The following GNL2 variants were observed in gnomAD, a reference collection of about 807,000 sequenced individuals.
GNL2 encodes G protein nucleolar 2.
In GNL2, 51 loss-of-function variants were observed where a neutral mutation model predicts 92.3. The ratio of observed to expected loss-of-function variants is 0.55; its 90% confidence interval spans 0.44 to 0.70. GNL2 has a LOEUF of 0.70. Among genes scored for constraint, GNL2 ranks in the 30% least tolerant of loss-of-function variants. The probability of loss-of-function intolerance (pLI) is 0.00; values close to 1 mark genes in which losing one functional copy is unlikely to be tolerated. For synonymous variants in GNL2, 283 were observed against 300.6 expected, an observed-to-expected ratio of 0.94 and a Z score of 0.61; for missense variants, 844 against 895.6, an observed-to-expected ratio of 0.94 and a Z score of 0.74.
chr1:37,574,200 A>T, intron 12 of GNL2, 143 bp downstream of exon 12: 1 of 442,916 alleles, frequency 2.3e-6, no homozygotes, highest in Non-Finnish European at 4.0e-6. Context: ...CCCCAAAAAT[A>T]TTTTTATATA....
chr1:37,589,454 G>A (rs1445689180), intron 4 of GNL2, among the ~76,000 whole-genome samples: 2 of 152,068 alleles, frequency 1.3e-5, no homozygotes, highest in African/African-American at 2.4e-5. Context: ...ACAGGTGCCC[G>A]CCACCACGCC....
Position 37,595,897 on chromosome 1 carries a change from G to C in GNL2, c.-75C>G. 2 of 1,293,994 alleles carry C rather than the reference G, an allele frequency of 1.5e-6. No individual in the cohort carries two copies. The highest frequency in any genetic ancestry group is 2.2e-6 in the Non-Finnish European group (2 of 892,570). 80.2% of individuals were successfully genotyped at this position (1,293,994 alleles called of 1,614,324 possible). On this transcript the variant is annotated 5_prime_UTR_variant, in exon 1 of 16. Coordinates refer to ENST00000373062, the MANE Select transcript of GNL2 (RefSeq NM_013285.3). Reference sequence around the variant, plus strand: ...AACAAACTTTTATGTTCCCAAGCCCGGCCGAAGACACCCGCCTGAACCACG... The same window carrying C: ...AACAAACTTTTATGTTCCCAAGCCCCGCCGAAGACACCCGCCTGAACCACG...
At position 37,595,836 on chromosome 1, in the gene GNL2, C is replaced by G. The variant is rs200801833; in HGVS notation, c.-14G>C. ...GGGCTTCACCATCTTGGCGACGAGA[C>G]CGGGACCGGAGTGCGAGGTCCGGCT... On this transcript the variant is annotated 5_prime_UTR_variant, in exon 1 of 16. Transcript: ENST00000373062. 1,145 of 1,613,776 alleles carry G rather than the reference C, an allele frequency of 7.1e-4. 3 individuals are homozygous for G. The highest frequency in any genetic ancestry group is 6.1e-3 in the African/African-American group (460 of 75,058).
intron 8 of GNL2, 46 bp from the exon 9 acceptor site, chr1:37,576,602 T>A (rs1457968131): frequency 2.5e-6 from 4 of 1,589,054 alleles, no homozygotes; most frequent in Admixed American, 1.8e-5. Context: ...GTCATATATA[T>A]CCCTTTGGAC....
intron 8 of GNL2, among the ~76,000 whole-genome samples, chr1:37,579,490 T>C (rs1298958491): frequency 1.3e-5 from 2 of 148,820 alleles, no homozygotes; most frequent in South Asian, 2.1e-4. Context: ...GAGGTTGCAG[T>C]GAGCCGAGAT....
chr1:37,572,129 C>T (rs1246659043), intron 12 of GNL2, among the ~76,000 whole-genome samples: 1 of 152,146 alleles, frequency 6.6e-6, no homozygotes, highest in Admixed American at 6.5e-5. Context: ...CCCCGACCAC[C>T]CCAAAGTACT....
At chr1:37,579,048 G>A (rs1643722575) in intron 8 of GNL2, among the ~76,000 whole-genome samples, 2 of 151,844 alleles carry the variant, frequency 1.3e-5, no homozygotes, top group African/African-American at 4.8e-5. Context: ...GACTGTAGCA[G>A]AAAACACAAA....
chr1:37,569,370 T>C (rs1011476512), intron 12 of GNL2, 68 bp from the exon 13 acceptor site: 13 of 1,071,714 alleles, frequency 1.2e-5, no homozygotes, highest in Non-Finnish European at 1.6e-5. Flanking sequence ...TCTGAACTCA[T>C]ATCTTGCTCT....
chr1:37,583,831 G>C lies in GNL2; in HGVS notation c.636+36C>G, dbSNP rs148712685. On this transcript the variant is annotated intron_variant, in intron 6 of 15. Transcript: ENST00000373062. Reference sequence around the variant, plus strand: ...CTTCTACAAAATCATGAAAGCCCAAGGAACCACTCAATGGGAGAGAATTTA... The same window carrying C: ...CTTCTACAAAATCATGAAAGCCCAACGAACCACTCAATGGGAGAGAATTTA... The C allele has an allele frequency of 1.0e-4, 122 of 1,193,256 alleles. No homozygotes were observed. In the East Asian group the frequency reaches 2.8e-3, roughly 28 times the overall value. 73.9% of individuals were successfully genotyped at this position (1,193,256 alleles called of 1,614,324 possible).
chr1:37,573,547 A>G (rs148879888), intron 12 of GNL2, among the ~76,000 whole-genome samples: 5 of 152,342 alleles, frequency 3.3e-5, no homozygotes, highest in African/African-American at 1.2e-4. Flanking sequence ...CCACTGGATC[A>G]CAGGTTTTTT....
At chr1:37,583,762 C>A in intron 6 of GNL2, 105 bp downstream of exon 6, 3 of 746,726 alleles carry the variant, frequency 4.0e-6, no homozygotes, top group Non-Finnish European at 7.3e-6. Flanking sequence ...GCAGTGGTGC[C>A]TGTACTCTGC....
At chr1:37,592,283 TTTAA>T (rs1386759769) in intron 3 of GNL2, among the ~76,000 whole-genome samples, 4 of 152,190 alleles carry the variant, frequency 2.6e-5, no homozygotes. Flanking sequence ...AGTGAGACCC[TTTAA>T]TTGTCACCCA....
At chr1:37,574,952 C>G in intron 10 of GNL2, 129 bp from the exon 11 acceptor site, 1 of 670,610 alleles carries the variant, frequency 1.5e-6, no homozygotes, top group Non-Finnish European at 2.6e-6. Flanking sequence ...TGGCAGGAGC[C>G]TGTCTCTGAC....
intron 5 of GNL2, among the ~76,000 whole-genome samples, chr1:37,587,076 G>A (rs1428342475): frequency 3.3e-5 from 5 of 152,058 alleles, no homozygotes; most frequent in South Asian, 2.1e-4. Flanking sequence ...AGACTAGCCT[G>A]GGCAACACGG....
intron 8 of GNL2, among the ~76,000 whole-genome samples, chr1:37,576,861 C>T (rs1436388259): frequency 6.6e-6 from 1 of 152,172 alleles, no homozygotes; most frequent in Non-Finnish European, 1.5e-5. Context: ...CCTGTAATCC[C>T]AGCACTTTGG....
intron 1 of GNL2, 36 bp downstream of exon 1, chr1:37,595,723 C>T: frequency 6.3e-7 from 1 of 1,596,974 alleles, no homozygotes; most frequent in Non-Finnish European, 8.6e-7. Flanking sequence ...TATACTTCCT[C>T]CAAGCTCCAC....
chr1:37,595,888 C>G lies in GNL2; in HGVS notation c.-66G>C, dbSNP rs1643920873. 4 of 1,424,066 alleles carry G rather than the reference C, an allele frequency of 2.8e-6. No individual in the cohort carries two copies. In the Admixed American group the frequency reaches 6.8e-5, roughly 24 times the overall value. The allele number at this position is 1,424,066 out of a possible 1,614,324, so 88.2% of individuals were successfully genotyped here. A position where few individuals can be genotyped will look rare whatever the true frequency, so the allele number is the denominator to read the frequency against. On this transcript the variant is annotated 5_prime_UTR_variant, in exon 1 of 16. Coordinates refer to ENST00000373062, the MANE Select transcript of GNL2 (RefSeq NM_013285.3). Reference sequence around the variant, plus strand: ...ACGTGGTGAAACAAACTTTTATGTTCCCAAGCCCGGCCGAAGACACCCGCC... The same window carrying G: ...ACGTGGTGAAACAAACTTTTATGTTGCCAAGCCCGGCCGAAGACACCCGCC...
intron 3 of GNL2, among the ~76,000 whole-genome samples, chr1:37,592,110 C>T (rs915098857): frequency 1.3e-5 from 2 of 152,168 alleles, no homozygotes; most frequent in Non-Finnish European, 2.9e-5. Flanking sequence ...GGTCAAACAC[C>T]AAGCAAACAC....
At chr1:37,582,145 G>T (rs939545918) in intron 8 of GNL2, 78 bp downstream of exon 8, 5 of 947,882 alleles carry the variant, frequency 5.3e-6, no homozygotes, top group African/African-American at 5.0e-5. Flanking sequence ...GCAACTTTCT[G>T]CTATGCCATG....
Sources: gnomAD v4.1 joint callset for allele counts (sites outside exome capture counted in the v4.1 genomes callset) on GRCh38, gnomAD v4.1.1 for gene constraint, MANE v1.5 for transcripts, NCBI Gene and HGNC (gene_info 2026-07-23, HGNC 2026-07-21) for gene names.